Variants in RAP1B observed in about 807,000 individuals in gnomAD.
RAP1B encodes RAP1B, member of RAS oncogene family.
A neutral mutation model predicts 27.5 loss-of-function variants in RAP1B; 1 was observed. The observed-to-expected ratio is 0.04, with a 90% CI of 0.01 to 0.17. The LOEUF is 0.17. Ranked by LOEUF, RAP1B falls within the 10% of genes least tolerant of loss-of-function variation. The pLI is 1.00. For missense variants in RAP1B, 84 were observed against 214.8 expected, an observed-to-expected ratio of 0.39 and a Z score of 3.81; for synonymous variants, 75 against 73.1, an observed-to-expected ratio of 1.03 and a Z score of -0.13.
chr12:68,664,327 A>G lies in RAP1B; in HGVS notation c.*5078A>G, dbSNP rs1349012868. 1.3e-5 allele frequency: 2 copies of G among 152,222 alleles called. No individual in the cohort carries two copies. Among genetic ancestry groups the G allele is most frequent in the Non-Finnish European group, 2.9e-5 (2 of 68,040 alleles). The allele number at this position is 152,222 out of a possible 1,614,324, so 9.4% of individuals were successfully genotyped here. A position where few individuals can be genotyped will look rare whatever the true frequency, so the allele number is the denominator to read the frequency against. ...TATGTCCCCTGTGAGCACTAATTTCAGAACAGGAAATTCTATTAACTGTCA... is the reference window on the plus strand; with the variant it reads ...TATGTCCCCTGTGAGCACTAATTTCGGAACAGGAAATTCTATTAACTGTCA... On this transcript the variant is annotated 3_prime_UTR_variant, in exon 8 of 8. Transcript: ENST00000250559.
chr12:68,659,370 C>A lies in RAP1B; in HGVS notation c.*121C>A, dbSNP rs902560645. 30 of 438,698 alleles carry A rather than the reference C, an allele frequency of 6.8e-5. No homozygotes were observed. The highest frequency in any genetic ancestry group is 2.3e-4 in the South Asian group (14 of 61,272). 27.2% of individuals were successfully genotyped at this position (438,698 alleles called of 1,614,324 possible). A position where few individuals can be genotyped will look rare whatever the true frequency, so the allele number is the denominator to read the frequency against. On this transcript the variant is annotated 3_prime_UTR_variant, in exon 8 of 8. Transcript: ENST00000250559. ...TTAAATGGACTTTCCTGTGGTGGTA[C>A]CCTTTAAGAGGCGGATGAAAGCTAC...
chr12:68,653,857 G>C (rs1874000035), intron 4 of RAP1B, among the ~76,000 whole-genome samples: 1 of 151,968 alleles, frequency 6.6e-6, no homozygotes, highest in Admixed American at 6.6e-5. Flanking sequence ...CTTGAGCCCG[G>C]GAGGCAGAGG....
rs186229436 is a variant in RAP1B at position 68,648,445 on chromosome 12, A to G, written c.-26-254A>G. ...TGTTTGAGTAAAACTTGATGTAACA[A>G]AACAGGTGATAGGTTGGATTTCTTT... On this transcript the variant is annotated intron_variant, in intron 1 of 7. Transcript: ENST00000250559. Among the ~76,000 whole-genome samples, 621 of 152,320 alleles carry G rather than the reference A, an allele frequency of 4.1e-3. 7 individuals carry two copies. The highest frequency in any genetic ancestry group is 6.2e-3 in the South Asian group (30 of 4,830).
intron 1 of RAP1B, chr12:68,621,440 T>C (rs1361020033): frequency 6.6e-6 from 1 of 152,234 alleles, no homozygotes; most frequent in Admixed American, 6.5e-5. Flanking sequence ...TGTTTTTTTC[T>C]TCCAGGAGCT....
rs35671538 is a variant in RAP1B at position 68,630,412 on chromosome 12, C to CA, written c.-26-18279dup. On this transcript the variant is annotated intron_variant, in intron 1 of 7. Transcript: ENST00000250559. The stretch of plus-strand genomic sequence containing the variant: ...TGTGTTCCAACAAAATTTTATTTAC[C>CA]AAAAAAAACAAAAACAAAAAAACAG... 8.2e-4 allele frequency among the ~76,000 whole-genome samples: 124 copies of CA among 151,328 alleles called. 1 individual carries two copies. Among genetic ancestry groups the CA allele is most frequent in the African/African-American group, 2.4e-3 (99 of 41,218 alleles).
At chr12:68,634,695 C>A (rs1226468548) in intron 1 of RAP1B, among the ~76,000 whole-genome samples, 2 of 151,924 alleles carry the variant, frequency 1.3e-5, no homozygotes, top group African/African-American at 4.8e-5. Flanking sequence ...ACTGGTTCTT[C>A]TGCATTTGTC....
intron 1 of RAP1B, among the ~76,000 whole-genome samples, chr12:68,622,697 A>G (rs992020877): frequency 2.6e-5 from 4 of 152,212 alleles, no homozygotes; most frequent in Non-Finnish European, 5.9e-5. Context: ...CATCCCCTCT[A>G]AACTGTTTCA....
At chr12:68,612,158 T>G (rs1321128993) in intron 1 of RAP1B, among the ~76,000 whole-genome samples, 1 of 152,234 alleles carries the variant, frequency 6.6e-6, no homozygotes, top group Non-Finnish European at 1.5e-5. Flanking sequence ...TTAAAATTAA[T>G]TCCGTCTAAT....
At chr12:68,619,162 A>T (rs1871224849) in intron 1 of RAP1B, among the ~76,000 whole-genome samples, 1 of 152,212 alleles carries the variant, frequency 6.6e-6, no homozygotes, top group African/African-American at 2.4e-5. Context: ...TAGGGAAAGT[A>T]TTTGTGTGAT....
At chr12:68,624,802 G>T in intron 1 of RAP1B, 1 of 152,484 alleles carries the variant, frequency 6.6e-6, no homozygotes, top group Non-Finnish European at 1.5e-5. Context: ...GCGACAGAGT[G>T]AGACTCCGTC....
intron 1 of RAP1B, among the ~76,000 whole-genome samples, chr12:68,611,645 G>T (rs989650428): frequency 6.6e-6 from 1 of 152,156 alleles, no homozygotes; most frequent in Non-Finnish European, 1.5e-5. Flanking sequence ...GGGCTTGCTT[G>T]CTCCATTTGT....
intron 1 of RAP1B, among the ~76,000 whole-genome samples, chr12:68,619,386 CATT>C (rs1479560951): frequency 6.6e-6 from 1 of 152,110 alleles, no homozygotes; most frequent in Admixed American, 6.6e-5. Flanking sequence ...TGAAATCTGT[CATT>C]ATTTGATTAT....
chr12:68,644,350 G>A (rs1311781414), intron 1 of RAP1B, among the ~76,000 whole-genome samples: 1 of 152,080 alleles, frequency 6.6e-6, no homozygotes, highest in African/African-American at 2.4e-5. Context: ...CAGCACTTTG[G>A]GAGGCCAAGG....
chr12:68,628,357 G>C (rs1302188329), intron 1 of RAP1B, among the ~76,000 whole-genome samples: 1 of 152,146 alleles, frequency 6.6e-6, no homozygotes, highest in Non-Finnish European at 1.5e-5. Context: ...TCCTCACCTG[G>C]CCAGTTTTGT....
At chr12:68,651,634 C>T in intron 3 of RAP1B, 1 of 200,052 alleles carries the variant, frequency 5.0e-6, no homozygotes, top group Admixed American at 5.3e-5. Flanking sequence ...AGAATTTAGA[C>T]AGAATTACTT....
At chr12:68,646,084 C>G (rs1431150861) in intron 1 of RAP1B, among the ~76,000 whole-genome samples, 1 of 152,184 alleles carries the variant, frequency 6.6e-6, no homozygotes, top group Non-Finnish European at 1.5e-5. Context: ...GTCCCAGTCA[C>G]CTCACTAAGA....
intron 1 of RAP1B, among the ~76,000 whole-genome samples, chr12:68,632,414 A>G (rs375966036): frequency 4.2e-4 from 64 of 152,240 alleles, no homozygotes; most frequent in Middle Eastern, 3.4e-3. Context: ...GATTACAGGC[A>G]TGAGCCACTA....
At chr12:68,640,592 T>G (rs1872928512) in intron 1 of RAP1B, among the ~76,000 whole-genome samples, 1 of 152,240 alleles carries the variant, frequency 6.6e-6, no homozygotes, top group African/African-American at 2.4e-5. Flanking sequence ...TGATGGAGTA[T>G]GTCCTCAATA....
chr12:68,619,190 C>CT (rs1408314223), intron 1 of RAP1B, among the ~76,000 whole-genome samples: 1 of 152,190 alleles, frequency 6.6e-6, no homozygotes, highest in Non-Finnish European at 1.5e-5. Flanking sequence ...CACGCTGAAT[C>CT]AATCTTCATA....
Sources: gnomAD v4.1 joint callset for allele counts (sites outside exome capture counted in the v4.1 genomes callset) on GRCh38, gnomAD v4.1.1 for gene constraint, MANE v1.5 for transcripts, NCBI Gene and HGNC (gene_info 2026-07-23, HGNC 2026-07-21) for gene names.